Variants in MEI4 observed in about 807,000 individuals in gnomAD.
The protein encoded by MEI4 is meiosis-specific protein MEI4.
A neutral mutation model predicts 31.4 loss-of-function variants in MEI4; 27 were observed. The observed-to-expected ratio is 0.86, with a 90% CI of 0.63 to 1.19. MEI4 has a LOEUF of 1.19. MEI4 is among the 50% of genes most tolerant of loss of function. The pLI, the probability that MEI4 is intolerant of heterozygous loss-of-function variation, is 0.00. For missense variants in MEI4, 329 were observed against 398.9 expected (o/e 0.82, Z 1.49); for synonymous variants, 122 against 145.4 (o/e 0.84, Z 1.16).
chr6:77,741,394 A>G (rs1048024079), intron 2 of MEI4, among the ~76,000 whole-genome samples: 1 of 152,110 alleles, frequency 6.6e-6, no homozygotes, highest in African/African-American at 2.4e-5. Context: ...TGATTGGTCT[A>G]GAGTGTGGCC....
At chr6:77,875,368 T>G (rs1771309052) in intron 4 of MEI4, among the ~76,000 whole-genome samples, 1 of 152,228 alleles carries the variant, frequency 6.6e-6, no homozygotes, top group Non-Finnish European at 1.5e-5. Flanking sequence ...TAGTAGCCCA[T>G]TAGTTAATGT....
At chr6:77,842,631 A>G (rs1335471868) in intron 4 of MEI4, among the ~76,000 whole-genome samples, 5 of 152,130 alleles carry the variant, frequency 3.3e-5, no homozygotes, top group Non-Finnish European at 7.4e-5. Flanking sequence ...CATTGCAGTC[A>G]TTGGTAATTT....
intron 4 of MEI4, among the ~76,000 whole-genome samples, chr6:77,848,247 T>C (rs1173926383): frequency 2.0e-5 from 3 of 152,152 alleles, no homozygotes; most frequent in African/African-American, 7.2e-5. Flanking sequence ...TTGGGAGTTT[T>C]AGGTTTTAGA....
chr6:77,731,809 G>A (rs1433792316), intron 2 of MEI4, among the ~76,000 whole-genome samples: 3 of 151,964 alleles, frequency 2.0e-5, no homozygotes, highest in Admixed American at 6.5e-5. Flanking sequence ...TTTTGTATAA[G>A]GTGTAAGGAA....
chr6:77,692,221 C>T (rs1163617682), intron 2 of MEI4, among the ~76,000 whole-genome samples: 1 of 152,066 alleles, frequency 6.6e-6, no homozygotes, highest in Non-Finnish European at 1.5e-5. Flanking sequence ...TTAAGTGACA[C>T]CTCCTCAGTG....
chr6:77,797,731 C>G (rs1487771228), intron 3 of MEI4, among the ~76,000 whole-genome samples: 1 of 152,150 alleles, frequency 6.6e-6, no homozygotes, highest in Non-Finnish European at 1.5e-5. Flanking sequence ...GCCAGCTTAT[C>G]CCATCTTCTT....
intron 1 of MEI4, among the ~76,000 whole-genome samples, chr6:77,683,029 G>A (rs1376857454): frequency 6.6e-6 from 1 of 152,134 alleles, no homozygotes; most frequent in Non-Finnish European, 1.5e-5. Context: ...TATGTTTAAT[G>A]TGCAAGTACT....
intron 3 of MEI4, among the ~76,000 whole-genome samples, chr6:77,828,130 A>T (rs1769997809): frequency 6.6e-6 from 1 of 152,136 alleles, no homozygotes; most frequent in Non-Finnish European, 1.5e-5. Flanking sequence ...GCATTTTCAC[A>T]ATCTAACTTA....
chr6:77,743,528 T>C (rs1767480947), intron 2 of MEI4, among the ~76,000 whole-genome samples: 1 of 152,156 alleles, frequency 6.6e-6, no homozygotes, highest in African/African-American at 2.4e-5. Flanking sequence ...TGGGCTGAGA[T>C]GACGGGGTTT....
chr6:77,750,042 T>C (rs1163923055), intron 2 of MEI4, among the ~76,000 whole-genome samples: 1 of 152,152 alleles, frequency 6.6e-6, no homozygotes, highest in African/African-American at 2.4e-5. Flanking sequence ...GAAGGAGAAA[T>C]AAAATTCTTT....
chr6:77,683,882 C>T (rs568258248), intron 1 of MEI4, among the ~76,000 whole-genome samples: 30 of 152,208 alleles, frequency 2.0e-4, no homozygotes, highest in African/African-American at 6.3e-4. Flanking sequence ...GATTTCATTT[C>T]CTTTGGATGT....
intron 3 of MEI4, among the ~76,000 whole-genome samples, chr6:77,790,160 A>G (rs35188795): frequency 0.16 from 23,615 of 150,452 alleles, 2,221 homozygotes; most frequent in East Asian, 0.39. Context: ...CAAGTACAAA[A>G]GCAAACACCG....
intron 4 of MEI4, among the ~76,000 whole-genome samples, chr6:77,894,447 C>G (rs1051181740): frequency 6.6e-6 from 1 of 151,884 alleles, no homozygotes; most frequent in Non-Finnish European, 1.5e-5. Context: ...GGAATACATA[C>G]AGCTTTTTTT....
intron 4 of MEI4, among the ~76,000 whole-genome samples, chr6:77,919,212 A>G (rs1359325233): frequency 6.6e-6 from 1 of 151,982 alleles, no homozygotes; most frequent in Non-Finnish European, 1.5e-5. Flanking sequence ...TCAGCACCAC[A>G]CCACACCTAT....
At chr6:77,883,691 ATATG>A (rs1429866877) in intron 4 of MEI4, among the ~76,000 whole-genome samples, 7 of 110,588 alleles carry the variant, frequency 6.3e-5, no homozygotes, top group Non-Finnish European at 1.8e-5. Context: ...ATATACATAT[ATATG>A]CAATGAAATG....
intron 4 of MEI4, among the ~76,000 whole-genome samples, chr6:77,869,452 G>A (rs1771142088): frequency 6.6e-6 from 1 of 151,982 alleles, no homozygotes; most frequent in Non-Finnish European, 1.5e-5. Context: ...CTTATTAGAC[G>A]GGGAAATTTG....
At chr6:77,688,235 AACAC>A (rs1317673899) in intron 1 of MEI4, among the ~76,000 whole-genome samples, 1 of 152,148 alleles carries the variant, frequency 6.6e-6, no homozygotes, top group African/African-American at 2.4e-5. Flanking sequence ...TACATTTATA[AACAC>A]ACACATTTAC....
Position 77,923,550 on chromosome 6 carries a change from G to A in MEI4, c.*204G>A, listed in dbSNP as rs9343696. 0.062 allele frequency: 22,776 copies of A among 369,590 alleles called. 2,862 individuals carry two copies. Among genetic ancestry groups the A allele is most frequent in the East Asian group, 0.44 (10,126 of 22,782 alleles). The allele number at this position is 369,590 out of a possible 1,614,324, so 22.9% of individuals were successfully genotyped here. A position where few individuals can be genotyped will look rare whatever the true frequency, so the allele number is the denominator to read the frequency against. On this transcript the variant is annotated 3_prime_UTR_variant, in exon 5 of 5. Transcript: ENST00000684080. ...TTCTATACTAAAATCAGCCAGTTTC[G>A]GTTGGTAATGCCATCCTTATTCCCA...
At chr6:77,754,785 G>GGA (rs2127679677) in intron 2 of MEI4, among the ~76,000 whole-genome samples, 1 of 152,082 alleles carries the variant, frequency 6.6e-6, no homozygotes, top group South Asian at 2.1e-4. Flanking sequence ...TCTTACATGC[G>GGA]GAGAGAGAGA....
Sources: allele counts gnomAD v4.1 joint callset (sites outside exome capture counted in the v4.1 genomes callset), GRCh38; gene constraint gnomAD v4.1.1; transcripts MANE v1.5; gene names NCBI Gene and HGNC (gene_info 2026-07-23, HGNC 2026-07-21).